The following ITGA9 variants were observed in gnomAD, a reference collection of about 807,000 sequenced individuals.
ITGA9 encodes the protein integrin subunit alpha 9, also known as integrin alpha-9.
ITGA9 carries 56 observed loss-of-function variants against 127.8 expected under a neutral mutation model. The ratio of observed to expected loss-of-function variants is 0.44; its 90% CI spans 0.35 to 0.55. The LOEUF (loss-of-function observed/expected upper bound fraction) is 0.55, where lower values mean the gene tolerates loss of function less well. Among genes scored for constraint, ITGA9 ranks in the 20% least tolerant of loss-of-function variants. The pLI is 0.00. For synonymous variants in ITGA9, 508 were observed against 514.5 expected (o/e 0.99, Z 0.17); for missense variants, 1,196 against 1,347.1 (o/e 0.89, Z 1.76).
At chr3:37,624,764 G>A (rs928003003) in intron 15 of ITGA9, among the ~76,000 whole-genome samples, 2 of 151,958 alleles carry the variant, frequency 1.3e-5, no homozygotes, top group Non-Finnish European at 2.9e-5. Flanking sequence ...GCTCCACCAC[G>A]CCCGGCTAAT....
At chr3:37,465,668 A>G (rs922690472) in intron 1 of ITGA9, among the ~76,000 whole-genome samples, 1 of 152,224 alleles carries the variant, frequency 6.6e-6, no homozygotes, top group Non-Finnish European at 1.5e-5. Context: ...TTGGAAAAGC[A>G]AGGTGATTGA....
At chr3:37,694,163 A>G (rs1207993469) in intron 18 of ITGA9, among the ~76,000 whole-genome samples, 1 of 152,254 alleles carries the variant, frequency 6.6e-6, no homozygotes, top group South Asian at 2.1e-4. Context: ...CTCTAACACA[A>G]CAGCAAGCTC....
At chr3:37,752,754 A>G (rs548910578) in intron 23 of ITGA9, among the ~76,000 whole-genome samples, 49 of 152,328 alleles carry the variant, frequency 3.2e-4, no homozygotes, top group African/African-American at 1.0e-3. Context: ...GGCAGGACCA[A>G]CCTGCCTCTA....
intron 1 of ITGA9, among the ~76,000 whole-genome samples, chr3:37,454,356 G>A (rs1290097750): frequency 6.6e-6 from 1 of 152,242 alleles, no homozygotes; most frequent in East Asian, 1.9e-4. Context: ...AGCCTACTTG[G>A]ATTTAAAACG....
At chr3:37,478,834 T>A (rs1261324679) in intron 3 of ITGA9, among the ~76,000 whole-genome samples, 1 of 152,190 alleles carries the variant, frequency 6.6e-6, no homozygotes, top group Non-Finnish European at 1.5e-5. Flanking sequence ...CCAGAATGCT[T>A]TTAGTTTAGT....
chr3:37,749,940 C>T (rs1338211260), intron 22 of ITGA9, among the ~76,000 whole-genome samples: 4 of 152,118 alleles, frequency 2.6e-5, no homozygotes, highest in Non-Finnish European at 5.9e-5. Flanking sequence ...GTGGTGGTTC[C>T]TGGACCAGCA....
chr3:37,782,941 C>A (rs894708520), intron 25 of ITGA9, among the ~76,000 whole-genome samples: 1 of 152,160 alleles, frequency 6.6e-6, no homozygotes, highest in African/African-American at 2.4e-5. Context: ...AATTCAAGAC[C>A]AGCCTGGCCA....
chr3:37,660,887 C>T (rs1419817240), intron 17 of ITGA9, among the ~76,000 whole-genome samples: 1 of 152,170 alleles, frequency 6.6e-6, no homozygotes, highest in Non-Finnish European at 1.5e-5. Context: ...TCTTTGGAAC[C>T]AGTGGACAAG....
Position 37,691,685 on chromosome 3 carries a change from T to C in ITGA9, c.2067+7670T>C, listed in dbSNP as rs555917336. Among the ~76,000 whole-genome samples the C allele has an allele frequency of 5.2e-4, 79 of 152,314 alleles. 1 individual carries two copies. The South Asian group carries it at 0.016, about 30-fold the overall frequency. ...CCGTATGTTCTAGTCCGGATCTGCATTTCTGGTAGAACTAGTCTGTCTGCA... is the reference window on the plus strand; with the variant it reads ...CCGTATGTTCTAGTCCGGATCTGCACTTCTGGTAGAACTAGTCTGTCTGCA... On this transcript the variant is annotated intron_variant, in intron 18 of 27. Transcript: ENST00000264741.
At chr3:37,812,499 C>G (rs1213308381) in intron 27 of ITGA9, among the ~76,000 whole-genome samples, 3 of 152,222 alleles carry the variant, frequency 2.0e-5, no homozygotes, top group Non-Finnish European at 1.5e-5. Flanking sequence ...TCAGTCAGGC[C>G]TCATGCCTCA....
chr3:37,692,202 G>A (rs1226599567), intron 18 of ITGA9, among the ~76,000 whole-genome samples: 4 of 152,152 alleles, frequency 2.6e-5, no homozygotes, highest in Admixed American at 1.3e-4. Context: ...TCCCGACTCT[G>A]CCACACATGA....
intron 27 of ITGA9, among the ~76,000 whole-genome samples, chr3:37,812,693 G>A (rs959558799): frequency 1.2e-4 from 18 of 152,240 alleles, no homozygotes; most frequent in Admixed American, 5.2e-4. Context: ...CTGTTCCTTC[G>A]GCTTCCAGCC....
At chr3:37,715,050 T>C (rs1311094639) in intron 18 of ITGA9, among the ~76,000 whole-genome samples, 1 of 152,212 alleles carries the variant, frequency 6.6e-6, no homozygotes, top group African/African-American at 2.4e-5. Flanking sequence ...CTGTTCATCC[T>C]AGCAAAATGT....
intron 26 of ITGA9, among the ~76,000 whole-genome samples, chr3:37,795,232 C>T (rs112636234): frequency 1.3e-5 from 2 of 152,264 alleles, no homozygotes; most frequent in African/African-American, 2.4e-5. Flanking sequence ...TGGTATTGAC[C>T]GAGCTGTCCC....
chr3:37,808,111 C>T (rs1015822355), intron 27 of ITGA9: 3 of 152,172 alleles, frequency 2.0e-5, no homozygotes, highest in African/African-American at 7.2e-5. Context: ...GCATCATTCT[C>T]TTCCCACCGC....
intron 1 of ITGA9, among the ~76,000 whole-genome samples, chr3:37,468,583 AG>A (rs1698396600): frequency 6.6e-6 from 1 of 152,154 alleles, no homozygotes; most frequent in Admixed American, 6.5e-5. Context: ...GGAGTGTTGC[AG>A]GAGGAGCAGC....
At chr3:37,494,932 C>T (rs1016489687) in intron 5 of ITGA9, among the ~76,000 whole-genome samples, 4 of 152,148 alleles carry the variant, frequency 2.6e-5, no homozygotes, top group Admixed American at 2.0e-4. Context: ...ATACATGAAG[C>T]GTGTGAGCAT....
chr3:37,684,256 C>T (rs1195903625), intron 18 of ITGA9, among the ~76,000 whole-genome samples: 1 of 152,200 alleles, frequency 6.6e-6, no homozygotes, highest in Non-Finnish European at 1.5e-5. Context: ...TCTCCCATCC[C>T]TTCTCTCTTG....
chr3:37,764,004 T>C (rs934508278), intron 23 of ITGA9, among the ~76,000 whole-genome samples: 3 of 152,188 alleles, frequency 2.0e-5, no homozygotes, highest in African/African-American at 7.2e-5. Flanking sequence ...ACAATCGAGA[T>C]GTCTCCCCAG....
Sources: allele counts gnomAD v4.1 joint callset (sites outside exome capture counted in the v4.1 genomes callset), GRCh38; gene constraint gnomAD v4.1.1; transcripts MANE v1.5; gene names NCBI Gene and HGNC (gene_info 2026-07-23, HGNC 2026-07-21).